The following LPCAT2 variants were observed in gnomAD, a reference collection of about 807,000 sequenced individuals.
LPCAT2 encodes the protein lysophosphatidylcholine acyltransferase 2.
A neutral mutation model predicts 64.7 loss-of-function variants in LPCAT2; 58 were observed. The ratio of observed to expected loss-of-function variants is 0.90; its 90% CI spans 0.73 to 1.12. LPCAT2 has a LOEUF of 1.12. Among genes scored for constraint, LPCAT2 ranks in the 50% most tolerant of loss-of-function variants. The pLI, the probability that LPCAT2 is intolerant of heterozygous loss-of-function variation, is 0.00. For missense variants in LPCAT2, 579 were observed against 669.8 expected, an observed-to-expected ratio of 0.86 and a Z score of 1.50; for synonymous variants, 252 against 245.3, an observed-to-expected ratio of 1.03 and a Z score of -0.26.
chr16:55,571,763 A>G (rs1263852936), intron 11 of LPCAT2, among the ~76,000 whole-genome samples: 1 of 152,192 alleles, frequency 6.6e-6, no homozygotes, highest in Non-Finnish European at 1.5e-5. Context: ...ATTTTGCTGT[A>G]TAATTTTTAT....
intron 1 of LPCAT2, among the ~76,000 whole-genome samples, chr16:55,513,149 T>TA (rs2142386583): frequency 6.6e-6 from 1 of 152,212 alleles, no homozygotes; most frequent in African/African-American, 2.4e-5. Flanking sequence ...GACCCTAAGA[T>TA]GATCAAATGT....
At position 55,583,948 on chromosome 16, in the gene LPCAT2, G is replaced by A. The variant is rs143642095; in HGVS notation, c.*850G>A. 1 of 152,200 alleles carries A rather than the reference G, an allele frequency of 6.6e-6. No homozygotes were observed. Among genetic ancestry groups the A allele is most frequent in the Non-Finnish European group, 1.5e-5 (1 of 68,064 alleles). The allele number at this position is 152,200 out of a possible 1,614,324, so 9.4% of individuals were successfully genotyped here. ...TCCACCCACCTCAGCCTCCCAAAGT[G>A]CTGGGATTACAGGTGTGAGCCACCG... On this transcript the variant is annotated 3_prime_UTR_variant, in exon 14 of 14. Transcript: ENST00000262134.
At chr16:55,558,655 G>T (rs550964646) in intron 11 of LPCAT2, among the ~76,000 whole-genome samples, 1 of 152,274 alleles carries the variant, frequency 6.6e-6, no homozygotes, top group Admixed American at 6.5e-5. Flanking sequence ...ATAGAAAATA[G>T]TTTTGACTTT....
chr16:55,563,660 C>T (rs190724606), intron 11 of LPCAT2, among the ~76,000 whole-genome samples: 148 of 151,838 alleles, frequency 9.7e-4, no homozygotes, highest in Non-Finnish European at 1.7e-3. Context: ...CAGTACTCTT[C>T]CCTGATAAAA....
intron 1 of LPCAT2, among the ~76,000 whole-genome samples, chr16:55,513,779 C>A (rs1325617599): frequency 6.6e-6 from 1 of 152,162 alleles, no homozygotes; most frequent in African/African-American, 2.4e-5. Flanking sequence ...AAGCCCCATT[C>A]CCAAGGAATT....
rs1162635634 is a variant in LPCAT2, at chr16:55,586,052, ATACT to A, written c.*2958_*2961del. ...CAAGACCATTCCCGGGAAAGTAGAC[ATACT>A]TACATTTTTTTCCTTTTCTGCTCAT... On this transcript the variant is annotated 3_prime_UTR_variant, in exon 14 of 14. Coordinates refer to ENST00000262134, the MANE Select transcript of LPCAT2 (RefSeq NM_017839.5). 3.9e-5 allele frequency: 6 copies of A among 152,184 alleles called. No individual in the cohort carries two copies. In the East Asian group the frequency reaches 1.2e-3, roughly 29 times the overall value. 9.4% of individuals were successfully genotyped at this position (152,184 alleles called of 1,614,324 possible). A position where few individuals can be genotyped will look rare whatever the true frequency, so the allele number is the denominator to read the frequency against.
chr16:55,531,256 C>G (rs1269648959), intron 4 of LPCAT2, among the ~76,000 whole-genome samples: 4 of 152,058 alleles, frequency 2.6e-5, no homozygotes, highest in African/African-American at 9.7e-5. Flanking sequence ...ATTCACTTAG[C>G]AATTTATTCA....
chr16:55,522,078 G>A (rs528906707), intron 1 of LPCAT2, among the ~76,000 whole-genome samples: 158 of 151,798 alleles, frequency 1.0e-3, no homozygotes, highest in Middle Eastern at 6.8e-3. Context: ...GATATAGACT[G>A]TATATGAAGA....
intron 1 of LPCAT2, 87 bp from the exon 2 acceptor site, chr16:55,525,421 T>TAAAACTTTCCTATTA: frequency 7.9e-7 from 1 of 1,264,848 alleles, no homozygotes; most frequent in East Asian, 2.4e-5. Flanking sequence ...ATGAACACCA[T>TAAAACTTTCCTATTA]AAAACTTTCC....
Position 55,579,204 on chromosome 16 carries a change from T to G in LPCAT2, c.1410T>G (p.Gly470=). 1 of 1,613,468 alleles carries G rather than the reference T, an allele frequency of 6.2e-7. No individual in the cohort carries two copies. The highest frequency in any genetic ancestry group is 8.5e-7 in the Non-Finnish European group (1 of 1,179,640). ...SLGVPDLDVS[G]LFKEIAQGDS... is the part of the protein sequence containing the mutation. The stretch of plus-strand genomic sequence containing the variant: ...GAGTGCCTGACCTTGATGTTTCTGG[T>G]CTCTTCAAGGAAATAGCCCAAGGGG... The change falls in exon 13 of 14, where the codon GGT becomes GGG. Residue 470 remains glycine, a synonymous_variant. Transcript: ENST00000262134.
At chr16:55,547,219 A>G (rs965257253) in intron 9 of LPCAT2, among the ~76,000 whole-genome samples, 40 of 152,320 alleles carry the variant, frequency 2.6e-4, no homozygotes, top group African/African-American at 9.6e-4. Context: ...CTTAGAAACA[A>G]GAGAAGGGAT....
intron 1 of LPCAT2, among the ~76,000 whole-genome samples, chr16:55,521,918 T>G (rs930122472): frequency 3.3e-5 from 5 of 151,600 alleles, no homozygotes; most frequent in Non-Finnish European, 5.9e-5. Flanking sequence ...TGAATCTGTT[T>G]CCTCAAAGGT....
chr16:55,583,359 C>A lies in LPCAT2; in HGVS notation c.*261C>A. 3.2e-6 allele frequency: 1 copy of A among 314,194 alleles called. No homozygotes were observed. The highest frequency in any genetic ancestry group is 5.9e-6 in the Non-Finnish European group (1 of 168,230). The allele number at this position is 314,194 out of a possible 1,614,324, so 19.5% of individuals were successfully genotyped here. On this transcript the variant is annotated 3_prime_UTR_variant, in exon 14 of 14. Coordinates refer to ENST00000262134, the MANE Select transcript of LPCAT2 (RefSeq NM_017839.5). ...TGATACATATGTTTTTATGGATTTT[C>A]CAGTTTAATTTGCATATACAAATGA...
At chr16:55,522,680 T>G (rs1963114037) in intron 1 of LPCAT2, among the ~76,000 whole-genome samples, 1 of 151,734 alleles carries the variant, frequency 6.6e-6, no homozygotes, top group Non-Finnish European at 1.5e-5. Context: ...TAATATTCAA[T>G]TGATTTTTTG....
intron 6 of LPCAT2, among the ~76,000 whole-genome samples, chr16:55,533,215 T>A (rs750338847): frequency 1.3e-5 from 2 of 152,078 alleles, no homozygotes; most frequent in East Asian, 3.9e-4. Flanking sequence ...TCATTAACTC[T>A]AGAAAGAAAT....
rs771158218 is a variant in LPCAT2, at chr16:55,545,818, G to A, written c.935+1G>A. 2.5e-6 allele frequency: 4 copies of A among 1,599,358 alleles called. No homozygotes were observed. The highest frequency in any genetic ancestry group is 1.7e-5 in the Admixed American group (1 of 59,560). On this transcript the variant is annotated splice_donor_variant, in intron 9 of 13. Coordinates refer to ENST00000262134, the MANE Select transcript of LPCAT2 (RefSeq NM_017839.5). LOFTEE classifies it high-confidence loss of function. ...ATAAAGTCCGGAATTTAATGGCAGA[G>A]TAAGTGTCTATATTTGATTATAACT...
At chr16:55,522,068 G>T (rs1350118912) in intron 1 of LPCAT2, among the ~76,000 whole-genome samples, 3 of 151,630 alleles carry the variant, frequency 2.0e-5, no homozygotes, top group African/African-American at 7.2e-5. Flanking sequence ...ATTCACAAAT[G>T]ATATAGACTG....
At chr16:55,558,832 T>C (rs1370982597) in intron 11 of LPCAT2, among the ~76,000 whole-genome samples, 1 of 152,188 alleles carries the variant, frequency 6.6e-6, no homozygotes, top group Non-Finnish European at 1.5e-5. Context: ...TGGTCCCTAC[T>C]GTATTTCCTA....
intron 11 of LPCAT2, among the ~76,000 whole-genome samples, chr16:55,573,722 C>A (rs1963795678): frequency 6.6e-6 from 1 of 152,072 alleles, no homozygotes; most frequent in South Asian, 2.1e-4. Flanking sequence ...CCCTCCACCT[C>A]TTTATCTTTT....
Sources: allele counts gnomAD v4.1 joint callset (sites outside exome capture counted in the v4.1 genomes callset), GRCh38; gene constraint gnomAD v4.1.1; transcripts MANE v1.5; gene names NCBI Gene and HGNC (gene_info 2026-07-23, HGNC 2026-07-21).